Variants in MGMT observed in about 807,000 individuals in gnomAD.
MGMT encodes methylated-DNA--protein-cysteine methyltransferase.
In MGMT, 14 loss-of-function variants were observed where a neutral mutation model predicts 15.9. That is an observed-to-expected ratio of 0.88 (90% CI 0.58 to 1.37). MGMT has a LOEUF of 1.37. Among genes scored for constraint, MGMT ranks in the 40% most tolerant of loss-of-function variants. MGMT has a pLI of 0.00. For synonymous variants in MGMT, 130 were observed against 118.2 expected, an observed-to-expected ratio of 1.10 and a Z score of -0.65; for missense variants, 282 against 268.1, an observed-to-expected ratio of 1.05 and a Z score of -0.36.
chr10:129,549,264 A>G (rs1245568252), intron 2 of MGMT, among the ~76,000 whole-genome samples: 1 of 152,214 alleles, frequency 6.6e-6, no homozygotes, highest in Non-Finnish European at 1.5e-5. Context: ...TATTAAAGGC[A>G]TAATTAATCA....
chr10:129,749,066 A>G lies in MGMT; in HGVS notation c.275-10136A>G, dbSNP rs1284402895. On this transcript the variant is annotated intron_variant, in intron 3 of 4. Transcript: ENST00000651593. Reference sequence around the variant, plus strand: ...CAGTGAGGACGTTTTATAAGTTTATAATACAGTCAGATTCTCTTGTCACAG... The same window carrying G: ...CAGTGAGGACGTTTTATAAGTTTATGATACAGTCAGATTCTCTTGTCACAG... 5.9e-5 allele frequency among the ~76,000 whole-genome samples: 9 copies of G among 152,304 alleles called. No individual in the cohort carries two copies. In the South Asian group the frequency reaches 1.0e-3, roughly 18 times the overall value.
chr10:129,539,759 G>C (rs1190320016), intron 2 of MGMT, among the ~76,000 whole-genome samples: 1 of 152,186 alleles, frequency 6.6e-6, no homozygotes, highest in Non-Finnish European at 1.5e-5. Context: ...ACCCACCTCG[G>C]CCTCCCAAAG....
rs1846743298 is a variant in MGMT, at chr10:129,595,683, G to A, written c.125+59306G>A. ...GTGTCTGTGTCCCTCCTTGTGAGTAGGAGTCACTGTTTCAGATGCTCAGCT... is the reference window on the plus strand; with the variant it reads ...GTGTCTGTGTCCCTCCTTGTGAGTAAGAGTCACTGTTTCAGATGCTCAGCT... On this transcript the variant is annotated intron_variant, in intron 2 of 4. Transcript: ENST00000651593. Among the ~76,000 whole-genome samples the A allele has an allele frequency of 2.0e-5, 3 of 152,130 alleles. No individual in the cohort carries two copies. In the South Asian group the frequency reaches 6.2e-4, roughly 32 times the overall value.
intron 2 of MGMT, among the ~76,000 whole-genome samples, chr10:129,544,337 T>A (rs1267579453): frequency 6.6e-6 from 1 of 152,172 alleles, no homozygotes; most frequent in Admixed American, 6.5e-5. Context: ...TCTGTTCAGG[T>A]TTCAGGAAGG....
intron 2 of MGMT, among the ~76,000 whole-genome samples, chr10:129,623,086 C>T (rs1847108124): frequency 6.6e-6 from 1 of 152,228 alleles, no homozygotes; most frequent in Non-Finnish European, 1.5e-5. Context: ...CTTCACTACT[C>T]CTTAGTGGCT....
chr10:129,487,933 G>GTA (rs201872151), intron 1 of MGMT, among the ~76,000 whole-genome samples: 13,353 of 143,156 alleles, frequency 0.093, 767 homozygotes, highest in East Asian at 0.28. Flanking sequence ...GTGTGTGTGT[G>GTA]TGTATATATA....
intron 1 of MGMT, among the ~76,000 whole-genome samples, chr10:129,505,936 A>G (rs534446720): frequency 6.7e-6 from 1 of 149,466 alleles, no homozygotes; most frequent in South Asian, 2.1e-4. Context: ...GAGCACACCA[A>G]CAGGCTTTGT....
At chr10:129,535,176 G>A (rs1845972050) in intron 1 of MGMT, among the ~76,000 whole-genome samples, 1 of 152,142 alleles carries the variant, frequency 6.6e-6, no homozygotes, top group Non-Finnish European at 1.5e-5. Context: ...GAGCCCAGGT[G>A]TGATGGGAGC....
At chr10:129,714,610 A>G (rs1848272174) in intron 3 of MGMT, among the ~76,000 whole-genome samples, 1 of 152,192 alleles carries the variant, frequency 6.6e-6, no homozygotes, top group African/African-American at 2.4e-5. Context: ...ACACGCACAC[A>G]CATACCCTGT....
At chr10:129,697,956 C>T (rs1007304151) in intron 2 of MGMT, among the ~76,000 whole-genome samples, 1 of 152,222 alleles carries the variant, frequency 6.6e-6, no homozygotes, top group African/African-American at 2.4e-5. Flanking sequence ...CCTTGGAAAA[C>T]TCCAGTGGCA....
At chr10:129,752,832 A>G (rs1029415309) in intron 3 of MGMT, among the ~76,000 whole-genome samples, 1 of 152,150 alleles carries the variant, frequency 6.6e-6, no homozygotes, top group African/African-American at 2.4e-5. Context: ...TAATAAACAT[A>G]TCTTGAAAAA....
chr10:129,712,239 G>C (rs76220330), intron 3 of MGMT, among the ~76,000 whole-genome samples: 6 of 152,156 alleles, frequency 3.9e-5, no homozygotes, highest in Non-Finnish European at 7.4e-5. Flanking sequence ...GGCTGCCCAC[G>C]CGAGACTGTG....
At position 129,768,988 on chromosome 10, in the gene MGMT, G is replaced by A. The variant is rs1848970476; in HGVS notation, c.*1991G>A. 1 of 152,426 alleles carries A rather than the reference G, an allele frequency of 6.6e-6. No homozygotes were observed. Among genetic ancestry groups the A allele is most frequent in the Non-Finnish European group, 1.5e-5 (1 of 68,202 alleles). The allele number at this position is 152,426 out of a possible 1,614,324, so 9.4% of individuals were successfully genotyped here. A position where few individuals can be genotyped will look rare whatever the true frequency, so the allele number is the denominator to read the frequency against. On this transcript the variant is annotated 3_prime_UTR_variant, in exon 5 of 5. Transcript: ENST00000651593. ...CACAGGCTCTGAGGGAGGGTCCTGG[G>A]GCCACATGACTGCAGCCAGCGAGGG... is the stretch of plus-strand genomic sequence containing the variant.
chr10:129,526,225 T>G (rs182622594), intron 1 of MGMT, among the ~76,000 whole-genome samples: 1 of 152,344 alleles, frequency 6.6e-6, no homozygotes, highest in African/African-American at 2.4e-5. Flanking sequence ...ATGCTTTTCT[T>G]TTTTTAAATT....
chr10:129,474,650 C>G (rs1845269746), intron 1 of MGMT, among the ~76,000 whole-genome samples: 1 of 152,192 alleles, frequency 6.6e-6, no homozygotes, highest in Non-Finnish European at 1.5e-5. Flanking sequence ...TTGCTCCCAC[C>G]CCAGCCTGTC....
intron 2 of MGMT, among the ~76,000 whole-genome samples, chr10:129,691,900 T>C (rs780721232): frequency 3.3e-5 from 5 of 152,076 alleles, no homozygotes; most frequent in Admixed American, 6.5e-5. Context: ...AGCTCTAGAG[T>C]TTGGTGCCTG....
intron 3 of MGMT, among the ~76,000 whole-genome samples, chr10:129,723,765 C>T (rs1430851274): frequency 2.6e-5 from 4 of 152,132 alleles, no homozygotes; most frequent in Middle Eastern, 3.2e-3. Flanking sequence ...CAGATTGGCC[C>T]CTGAGCTCAT....
rs79332662 is a variant in MGMT at position 129,507,121 on chromosome 10, C to T, written c.-12-29120C>T. Among the ~76,000 whole-genome samples, 496 of 152,190 alleles carry T rather than the reference C, an allele frequency of 3.3e-3. 1 individual carries two copies. The highest frequency in any genetic ancestry group is 0.011 in the African/African-American group (475 of 41,516). ...GAGCTAGGTGAAAATGTTCCTGCGA[C>T]GACCAGTTCCTGTGAGGACCGGGTG... On this transcript the variant is annotated intron_variant, in intron 1 of 4. Transcript: ENST00000651593.
chr10:129,741,574 T>A (rs2133172081), intron 3 of MGMT, among the ~76,000 whole-genome samples: 1 of 152,218 alleles, frequency 6.6e-6, no homozygotes, highest in African/African-American at 2.4e-5. Flanking sequence ...GTCTCTGAGG[T>A]GTAGACATCA....
Sources: gnomAD v4.1 joint callset for allele counts (sites outside exome capture counted in the v4.1 genomes callset) on GRCh38, gnomAD v4.1.1 for gene constraint, MANE v1.5 for transcripts, NCBI Gene and HGNC (gene_info 2026-07-23, HGNC 2026-07-21) for gene names.